OXR1: variants seen among roughly 807,000 people sequenced by gnomAD.
OXR1 encodes oxidation resistance protein 1.
In OXR1, 41 loss-of-function variants were observed where a neutral mutation model predicts 104.6. The ratio of observed to expected loss-of-function variants is 0.39; its 90% CI spans 0.31 to 0.51. The LOEUF (loss-of-function observed/expected upper bound fraction) is 0.51, where lower values mean the gene tolerates loss of function less well. Ranked by LOEUF, OXR1 falls within the 20% of genes least tolerant of loss-of-function variation. The pLI is 0.77. For missense variants in OXR1, 955 were observed against 1,031.9 expected, an observed-to-expected ratio of 0.93 and a Z score of 1.02; for synonymous variants, 348 against 348.4, an observed-to-expected ratio of 1.00 and a Z score of 0.01.
At chr8:106,533,683 C>G (rs1465989909) in intron 3 of OXR1, among the ~76,000 whole-genome samples, 1 of 150,528 alleles carries the variant, frequency 6.6e-6, no homozygotes, top group Non-Finnish European at 1.5e-5. Context: ...TTATGATATG[C>G]TACCTGAACA....
intron 7 of OXR1, among the ~76,000 whole-genome samples, chr8:106,694,305 T>G (rs1354729329): frequency 6.7e-6 from 1 of 150,048 alleles, no homozygotes; most frequent in Non-Finnish European, 1.5e-5. Context: ...CTGTCAGTTG[T>G]TGATAGAAGA....
At chr8:106,667,493 G>T (rs1826466830) in intron 3 of OXR1, among the ~76,000 whole-genome samples, 1 of 152,144 alleles carries the variant, frequency 6.6e-6, no homozygotes, top group Admixed American at 6.5e-5. Context: ...TAGGAAAGTT[G>T]AGGTGACTTA....
intron 3 of OXR1, among the ~76,000 whole-genome samples, chr8:106,647,208 A>G (rs1824159864): frequency 6.6e-6 from 1 of 152,222 alleles, no homozygotes; most frequent in South Asian, 2.1e-4. Flanking sequence ...TTCAGAATTG[A>G]AAGAAAATTA....
intron 2 of OXR1, among the ~76,000 whole-genome samples, chr8:106,503,822 T>G (rs1275187366): frequency 6.6e-6 from 1 of 152,134 alleles, no homozygotes; most frequent in Non-Finnish European, 1.5e-5. Context: ...AGAATCTTAG[T>G]TCTCTTCTAC....
chr8:106,306,227 C>T lies in OXR1; in HGVS notation c.-139+35860C>T, dbSNP rs80170558. ...CATAAGTGTTCAGATTTAATCTGCACGTAAGATTCAACAATTTTGGATTCA... is the reference window on the plus strand; with the variant it reads ...CATAAGTGTTCAGATTTAATCTGCATGTAAGATTCAACAATTTTGGATTCA... On this transcript the variant is annotated intron_variant, in intron 1 of 16. Transcript: ENST00000517566. Among the ~76,000 whole-genome samples, 1,063 of 152,136 alleles carry T rather than the reference C, an allele frequency of 7.0e-3. 6 individuals carry two copies. The highest frequency in any genetic ancestry group is 0.024 in the African/African-American group (1,005 of 41,518).
At chr8:106,404,882 T>C (rs766218208) in intron 2 of OXR1, among the ~76,000 whole-genome samples, 1 of 151,984 alleles carries the variant, frequency 6.6e-6, no homozygotes, top group Non-Finnish European at 1.5e-5. Flanking sequence ...ATTTTTTGTA[T>C]TTTTAGTAGA....
At chr8:106,471,193 A>G (rs184745617) in intron 2 of OXR1, among the ~76,000 whole-genome samples, 4 of 151,840 alleles carry the variant, frequency 2.6e-5, no homozygotes, top group Non-Finnish European at 5.9e-5. Context: ...AGGGTGGATT[A>G]TAGAGGAGAG....
At chr8:106,312,581 A>G (rs1813752728) in intron 1 of OXR1, among the ~76,000 whole-genome samples, 3 of 152,352 alleles carry the variant, frequency 2.0e-5, no homozygotes, top group South Asian at 4.1e-4. Context: ...GAAGTTAGCT[A>G]CCACACTGGA....
chr8:106,420,500 A>C (rs1020643581), intron 2 of OXR1, among the ~76,000 whole-genome samples: 1 of 151,958 alleles, frequency 6.6e-6, no homozygotes, highest in African/African-American at 2.4e-5. Flanking sequence ...TGCTATATGC[A>C]ATCTCTTATG....
intron 3 of OXR1, among the ~76,000 whole-genome samples, chr8:106,596,802 C>T (rs1819558731): frequency 6.6e-6 from 1 of 152,070 alleles, no homozygotes; most frequent in African/African-American, 2.4e-5. Flanking sequence ...CGCCTGTAAT[C>T]CCAGCACTTT....
intron 2 of OXR1, among the ~76,000 whole-genome samples, chr8:106,418,309 T>C (rs1818761941): frequency 6.6e-6 from 1 of 152,064 alleles, no homozygotes; most frequent in South Asian, 2.1e-4. Flanking sequence ...AAAAGATTCA[T>C]TTGCAAGTAT....
chr8:106,735,098 T>G (rs962983893), intron 11 of OXR1, among the ~76,000 whole-genome samples: 1 of 152,130 alleles, frequency 6.6e-6, no homozygotes, highest in African/African-American at 2.4e-5. Context: ...TAAGAGTAAT[T>G]CCAGTTTCCT....
chr8:106,739,563 C>T lies in OXR1; in HGVS notation c.2143C>T (p.Leu715=), dbSNP rs1834734490. The part of the protein sequence containing the change: ...PNLSDPSELL[L]PDQIEKLTKH... ...CCTAAGTGATCCCAGTGAACTTTTACTGCCAGATCAAATTGAAAAGGTATG... is the reference window on the plus strand; with the variant it reads ...CCTAAGTGATCCCAGTGAACTTTTATTGCCAGATCAAATTGAAAAGGTATG... Residue 715 remains leucine, a synonymous_variant, in exon 13 of 17, where the codon CTG becomes TTG. Transcript: ENST00000517566. The T allele has an allele frequency of 6.2e-7, 1 of 1,613,318 alleles. No individual in the cohort carries two copies. Among genetic ancestry groups the T allele is most frequent in the African/African-American group, 1.3e-5 (1 of 75,036 alleles).
chr8:106,584,137 GA>G (rs1157490230), intron 3 of OXR1, among the ~76,000 whole-genome samples: 1 of 151,800 alleles, frequency 6.6e-6, no homozygotes, highest in Non-Finnish European at 1.5e-5. Context: ...AAATTTCTAG[GA>G]AGTTAAAGGT....
chr8:106,540,489 A>G (rs148429236), intron 3 of OXR1, among the ~76,000 whole-genome samples: 1 of 152,232 alleles, frequency 6.6e-6, no homozygotes, highest in Non-Finnish European at 1.5e-5. Flanking sequence ...TTTTTAGAAT[A>G]CACAACGTTA....
intron 3 of OXR1, among the ~76,000 whole-genome samples, chr8:106,550,968 C>T (rs376248033): frequency 5.9e-5 from 9 of 152,292 alleles, no homozygotes; most frequent in African/African-American, 2.2e-4. Context: ...TTTTATCCTT[C>T]AGCTATCTAG....
chr8:106,520,874 G>A (rs1357556461), intron 3 of OXR1, among the ~76,000 whole-genome samples: 1 of 152,132 alleles, frequency 6.6e-6, no homozygotes, highest in Non-Finnish European at 1.5e-5. Context: ...AGAAAAAAAG[G>A]GAGAGATACT....
chr8:106,638,423 T>C (rs964849251), intron 3 of OXR1, among the ~76,000 whole-genome samples: 1 of 152,152 alleles, frequency 6.6e-6, no homozygotes, highest in Non-Finnish European at 1.5e-5. Flanking sequence ...GTTCTCAAAC[T>C]TGAAGGCATC....
chr8:106,468,880 C>T (rs28610156), intron 2 of OXR1, among the ~76,000 whole-genome samples: 8,647 of 151,640 alleles, frequency 0.057, 874 homozygotes, highest in African/African-American at 0.2. Flanking sequence ...AAGAATTTAT[C>T]GTAAGGAAGA....
Sources: allele counts gnomAD v4.1 joint callset (sites outside exome capture counted in the v4.1 genomes callset), GRCh38; gene constraint gnomAD v4.1.1; transcripts MANE v1.5; gene names NCBI Gene and HGNC (gene_info 2026-07-23, HGNC 2026-07-21).